The following NALF1 variants were observed in gnomAD, a reference collection of about 807,000 sequenced individuals.
The protein encoded by NALF1 is NALCN channel auxiliary factor 1.
In NALF1, 3 loss-of-function variants were observed where a neutral mutation model predicts 48.4. The observed-to-expected ratio is 0.06, with a 90% CI of 0.03 to 0.16. NALF1 has a LOEUF of 0.16. NALF1 is among the 10% of genes least tolerant of loss of function. NALF1 has a pLI of 1.00. For synonymous variants in NALF1, 262 were observed against 245.7 expected, an observed-to-expected ratio of 1.07 and a Z score of -0.62; for missense variants, 526 against 571.5, an observed-to-expected ratio of 0.92 and a Z score of 0.81.
At position 107,174,885 on chromosome 13, in the gene NALF1, CTTTTTCTTTTTT is replaced by C. The variant is rs527945027; in HGVS notation, c.1088-4111_1088-4100del. On this transcript the variant is annotated intron_variant, in intron 2 of 2. Coordinates refer to ENST00000375915, the MANE Select transcript of NALF1 (RefSeq NM_001080396.3). ...CTCAGATCAACAATCTTTTCTTTTT[CTTTTTCTTTTTT>C]TTTTGAGACGGAGTCTCGCTCTGTC... 8.3e-3 allele frequency among the ~76,000 whole-genome samples: 1,254 copies of C among 150,890 alleles called. 19 individuals are homozygous for C. The highest frequency in any genetic ancestry group is 0.029 in the African/African-American group (1,202 of 41,078).
chr13:107,771,250 G>GTGTGTGTGTGTC (rs774122680), intron 1 of NALF1, among the ~76,000 whole-genome samples: 4 of 151,278 alleles, frequency 2.6e-5, no homozygotes, highest in African/African-American at 9.7e-5. Flanking sequence ...TTAACATGTT[G>GTGTGTGTGTGTC]TGTGTGTGTG....
chr13:107,726,250 T>A (rs1468977451), intron 1 of NALF1, among the ~76,000 whole-genome samples: 1 of 152,222 alleles, frequency 6.6e-6, no homozygotes, highest in Non-Finnish European at 1.5e-5. Flanking sequence ...TTACCAGTAG[T>A]GACAAGAGAA....
intron 1 of NALF1, among the ~76,000 whole-genome samples, chr13:107,271,814 A>ATATATATTTATTTATTTATT (rs1374366280): frequency 1.9e-5 from 2 of 102,592 alleles, no homozygotes; most frequent in Non-Finnish European, 3.6e-5. Flanking sequence ...ATATATATAT[A>ATATATATTTATTTATTTATT]TATTTATATA....
intron 1 of NALF1, among the ~76,000 whole-genome samples, chr13:107,396,986 G>A (rs1883724174): frequency 6.6e-6 from 1 of 152,186 alleles, no homozygotes. Context: ...CATGGCAGAG[G>A]CCAAAGGAAG....
At chr13:107,207,162 T>C (rs969395849) in intron 2 of NALF1, among the ~76,000 whole-genome samples, 3 of 152,228 alleles carry the variant, frequency 2.0e-5, no homozygotes, top group Non-Finnish European at 4.4e-5. Context: ...TAACCTACTC[T>C]CATTTTTTTA....
intron 1 of NALF1, among the ~76,000 whole-genome samples, chr13:107,294,787 G>A (rs1050306400): frequency 2.6e-5 from 4 of 152,150 alleles, no homozygotes; most frequent in Non-Finnish European, 5.9e-5. Flanking sequence ...TCTTTAGACT[G>A]TATCTCAGTA....
At chr13:107,385,552 C>CAAAAAAAAAAAAAAAAAAAAAAAAAAA (rs201307018) in intron 1 of NALF1, among the ~76,000 whole-genome samples, 1 of 118,292 alleles carries the variant, frequency 8.5e-6, no homozygotes, top group Non-Finnish European at 1.7e-5. Context: ...GATTCCATCT[C>CAAAAAAAAAAAAAAAAAAAAAAAAAAA]AAAAAAAAAA....
intron 1 of NALF1, among the ~76,000 whole-genome samples, chr13:107,494,298 G>C (rs888875954): frequency 1.3e-4 from 20 of 152,168 alleles, no homozygotes; most frequent in Admixed American, 3.9e-4. Flanking sequence ...GTAGACAGAA[G>C]GGTTAGTTGT....
At chr13:107,426,159 G>A (rs761847267) in intron 1 of NALF1, among the ~76,000 whole-genome samples, 140 of 152,108 alleles carry the variant, frequency 9.2e-4, no homozygotes, top group Admixed American at 1.6e-3. Context: ...CTCCCTGACA[G>A]TTTGTATCCA....
chr13:107,856,800 A>G (rs1880450182), intron 1 of NALF1, among the ~76,000 whole-genome samples: 1 of 152,154 alleles, frequency 6.6e-6, no homozygotes. Flanking sequence ...CCTGCAACCC[A>G]CAGGAAAGAT....
intron 1 of NALF1, among the ~76,000 whole-genome samples, chr13:107,250,489 G>T (rs1490303682): frequency 1.3e-5 from 2 of 152,044 alleles, no homozygotes; most frequent in African/African-American, 4.8e-5. Context: ...TCTCACACAG[G>T]ACTTTAATGG....
chr13:107,693,052 T>C (rs955298466), intron 1 of NALF1, among the ~76,000 whole-genome samples: 1 of 152,204 alleles, frequency 6.6e-6, no homozygotes, highest in Admixed American at 6.6e-5. Flanking sequence ...TTTCTAGTTC[T>C]AGATCCTTGA....
chr13:107,408,677 G>C (rs991779357), intron 1 of NALF1, among the ~76,000 whole-genome samples: 2 of 152,084 alleles, frequency 1.3e-5, no homozygotes, highest in Admixed American at 1.3e-4. Flanking sequence ...TTAATGAAAA[G>C]TCATGATCAG....
chr13:107,557,088 A>G (rs1257086050), intron 1 of NALF1, among the ~76,000 whole-genome samples: 1 of 152,172 alleles, frequency 6.6e-6, no homozygotes, highest in African/African-American at 2.4e-5. Flanking sequence ...ATTTTTACAT[A>G]TTTCAAAAAG....
At chr13:107,576,313 AT>A (rs1261248932) in intron 1 of NALF1, among the ~76,000 whole-genome samples, 2 of 152,212 alleles carry the variant, frequency 1.3e-5, no homozygotes, top group Non-Finnish European at 2.9e-5. Flanking sequence ...CAGCTTTAAA[AT>A]TCCTAACAGT....
chr13:107,272,460 C>T lies in NALF1; in HGVS notation c.916-61705G>A, dbSNP rs1211554648. ...CGATCTCCTGACCTCATGATCCACCCGCCTCGGCCTCCCAAAGTGCTGGGA... is the reference window on the plus strand; with the variant it reads ...CGATCTCCTGACCTCATGATCCACCTGCCTCGGCCTCCCAAAGTGCTGGGA... On this transcript the variant is annotated intron_variant, in intron 1 of 2. Coordinates refer to ENST00000375915, the MANE Select transcript of NALF1 (RefSeq NM_001080396.3). 1.2e-3 allele frequency among the ~76,000 whole-genome samples: 18 copies of T among 15,276 alleles called. 6 individuals are homozygous for T. The highest frequency in any genetic ancestry group is 2.0e-3 in the African/African-American group (16 of 8,046). The allele number at this position is 15,276 out of a possible 152,430, so 10.0% of individuals were successfully genotyped here. A position where few individuals can be genotyped will look rare whatever the true frequency, so the allele number is the denominator to read the frequency against.
chr13:107,491,669 A>G (rs993937176), intron 1 of NALF1, among the ~76,000 whole-genome samples: 1 of 152,138 alleles, frequency 6.6e-6, no homozygotes, highest in South Asian at 2.1e-4. Flanking sequence ...ATCTGTCTCT[A>G]CCTTGCCCCA....
chr13:107,527,525 T>C (rs1193006021), intron 1 of NALF1, among the ~76,000 whole-genome samples: 1 of 152,106 alleles, frequency 6.6e-6, no homozygotes, highest in African/African-American at 2.4e-5. Flanking sequence ...TGGCTGATAA[T>C]TAAATACAGA....
chr13:107,352,999 A>G (rs1049464117), intron 1 of NALF1, among the ~76,000 whole-genome samples: 1 of 151,994 alleles, frequency 6.6e-6, no homozygotes, highest in Non-Finnish European at 1.5e-5. Context: ...ACCCCAAGAG[A>G]CTTCCTGGGG....
Sources: allele counts gnomAD v4.1 joint callset (sites outside exome capture counted in the v4.1 genomes callset), GRCh38; gene constraint gnomAD v4.1.1; transcripts MANE v1.5; gene names NCBI Gene and HGNC (gene_info 2026-07-23, HGNC 2026-07-21).